The following CEACAM8 variants were observed in gnomAD, a reference collection of about 807,000 sequenced individuals.
CEACAM8 encodes the protein cell adhesion molecule CEACAM8.
Under a neutral mutation model 33.4 loss-of-function variants are expected in CEACAM8, and 31 were observed. The observed-to-expected ratio is 0.93, with a 90% CI of 0.70 to 1.25. The LOEUF (loss-of-function observed/expected upper bound fraction) is 1.25, where lower values mean the gene tolerates loss of function less well. CEACAM8 is among the 50% of genes most tolerant of loss of function. CEACAM8 has a pLI of 0.00. For synonymous variants in CEACAM8, 138 were observed against 164.5 expected, an observed-to-expected ratio of 0.84 and a Z score of 1.23; for missense variants, 388 against 434.6, an observed-to-expected ratio of 0.89 and a Z score of 0.95.
chr19:42,588,244 C>T (rs971851959), intron 4 of CEACAM8, among the ~76,000 whole-genome samples: 1 of 152,166 alleles, frequency 6.6e-6, no homozygotes, highest in African/African-American at 2.4e-5. Flanking sequence ...TTTCCATACA[C>T]CTGGGTCCCA....
intron 2 of CEACAM8, among the ~76,000 whole-genome samples, chr19:42,591,668 G>A (rs1381234508): frequency 2.0e-5 from 3 of 152,110 alleles, no homozygotes; most frequent in Non-Finnish European, 2.9e-5. Flanking sequence ...TGGCTCATGC[G>A]TCTCCCCACC....
At chr19:42,588,709 T>A in intron 4 of CEACAM8, 75 bp downstream of exon 4, 2 of 1,561,164 alleles carry the variant, frequency 1.3e-6, no homozygotes, top group Non-Finnish European at 1.8e-6. Flanking sequence ...ATAAAACTTT[T>A]TTTCTGGCTC....
chr19:42,588,720 A>T, intron 4 of CEACAM8, 64 bp downstream of exon 4: 5 of 1,579,486 alleles, frequency 3.2e-6, no homozygotes, highest in African/African-American at 1.4e-5. Flanking sequence ...TTTCTGGCTC[A>T]TCTCTGAAAG....
chr19:42,581,380 C>G (rs1157958394), intron 5 of CEACAM8, 27 bp from the exon 6 acceptor site: 12 of 152,190 alleles, frequency 7.9e-5, no homozygotes, highest in Non-Finnish European at 1.8e-4. Flanking sequence ...TTGAAAATGA[C>G]TATGGTTAAA....
chr19:42,585,313 C>CAAAAAAAAAAAAAAAA (rs34190972), intron 4 of CEACAM8, among the ~76,000 whole-genome samples: 1 of 61,934 alleles, frequency 1.6e-5, no homozygotes, highest in Non-Finnish European at 3.8e-5. Context: ...CTCTCTCTCT[C>CAAAAAAAAAAAAAAAA]AAAAAAAAAA....
chr19:42,585,566 A>T (rs1206998656), intron 4 of CEACAM8, among the ~76,000 whole-genome samples: 1 of 152,168 alleles, frequency 6.6e-6, no homozygotes, highest in African/African-American at 2.4e-5. Flanking sequence ...TAATAAAAAC[A>T]TGCTAAGTAT....
chr19:42,583,014 A>G (rs2042280958), intron 5 of CEACAM8, 192 bp downstream of exon 5: 2 of 488,924 alleles, frequency 4.1e-6, no homozygotes, highest in East Asian at 3.5e-5. Flanking sequence ...AGAGGCTGGG[A>G]ATAATCACAT....
chr19:42,588,330 C>T (rs953032831), intron 4 of CEACAM8, among the ~76,000 whole-genome samples: 6 of 152,198 alleles, frequency 3.9e-5, no homozygotes, highest in Admixed American at 2.0e-4. Flanking sequence ...GCTGCTCCTC[C>T]GTCATCCAAG....
At chr19:42,591,479 T>G (rs1435620982) in intron 2 of CEACAM8, among the ~76,000 whole-genome samples, 2 of 152,180 alleles carry the variant, frequency 1.3e-5, no homozygotes, top group Non-Finnish European at 2.9e-5. Flanking sequence ...GCGATGTGTG[T>G]TATGTTAGTA....
chr19:42,593,338 G>A (rs2042480842), intron 2 of CEACAM8, among the ~76,000 whole-genome samples: 1 of 152,212 alleles, frequency 6.6e-6, no homozygotes, highest in South Asian at 2.1e-4. Flanking sequence ...CCTCTGCCGT[G>A]AGTGTCTGCA....
chr19:42,593,875 C>A lies in CEACAM8; in HGVS notation c.90G>T (p.Pro30=). ...LTASLFTFWN[P]PTTAQLTIEA... ...CAATAGTGAGCTGAGCAGTGGTGGG[C>A]GGGTTCCAGAAGGTGAAAAGTGAGG... Residue 30 remains proline (P), a synonymous_variant, in exon 2 of 6, where the codon CCG becomes CCT. Coordinates refer to ENST00000244336, the MANE Select transcript of CEACAM8 (RefSeq NM_001816.4). The A allele has an allele frequency of 6.3e-7, 1 of 1,595,956 alleles. No individual in the cohort carries two copies.
chr19:42,585,375 T>C (rs1009250805), intron 4 of CEACAM8, among the ~76,000 whole-genome samples: 2 of 150,236 alleles, frequency 1.3e-5, no homozygotes, highest in Non-Finnish European at 3.0e-5. Context: ...GGAGATATTA[T>C]ATATCAATTC....
chr19:42,588,285 C>A (rs1202737537), intron 4 of CEACAM8, among the ~76,000 whole-genome samples: 7 of 152,202 alleles, frequency 4.6e-5, no homozygotes, highest in Non-Finnish European at 7.3e-5. Flanking sequence ...GGGCCTGTCA[C>A]CAGGGAGCTG....
intron 2 of CEACAM8, among the ~76,000 whole-genome samples, chr19:42,592,832 T>G (rs910097028): frequency 2.6e-5 from 4 of 152,162 alleles, no homozygotes; most frequent in Admixed American, 6.5e-5. Context: ...GGAACATCTT[T>G]CTTCTATTTC....
chr19:42,589,876 A>G (rs1270361993), intron 2 of CEACAM8, 141 bp from the exon 3 acceptor site: 1 of 1,500,764 alleles, frequency 6.7e-7, no homozygotes, highest in African/African-American at 1.4e-5. Flanking sequence ...GTGTCACAAG[A>G]CAGATGCACA....
chr19:42,584,776 T>G (rs1374843480), intron 4 of CEACAM8, among the ~76,000 whole-genome samples: 1 of 152,108 alleles, frequency 6.6e-6, no homozygotes, highest in African/African-American at 2.4e-5. Context: ...ACAACCTAAT[T>G]TGCAACTTCA....
At chr19:42,586,457 G>A (rs887663949) in intron 4 of CEACAM8, among the ~76,000 whole-genome samples, 9 of 152,210 alleles carry the variant, frequency 5.9e-5, no homozygotes, top group Non-Finnish European at 1.0e-4. Flanking sequence ...AATGATATTT[G>A]ATAAGGATGC....
chr19:42,594,003 G>T, intron 1 of CEACAM8, 103 bp from the exon 2 acceptor site: 1 of 1,229,362 alleles, frequency 8.1e-7, no homozygotes, highest in Non-Finnish European at 1.1e-6. Flanking sequence ...GTGTGTGTAT[G>T]TGTGTGTGTC....
chr19:42,584,835 G>A (rs1304723550), intron 4 of CEACAM8, among the ~76,000 whole-genome samples: 1 of 151,996 alleles, frequency 6.6e-6, no homozygotes, highest in East Asian at 1.9e-4. Context: ...AATGAAGGAA[G>A]TAATAAGGAT....
Sources: allele counts gnomAD v4.1 joint callset (sites outside exome capture counted in the v4.1 genomes callset), GRCh38; gene constraint gnomAD v4.1.1; transcripts MANE v1.5; gene names NCBI Gene and HGNC (gene_info 2026-07-23, HGNC 2026-07-21).